The following KIFC3 variants were observed in gnomAD, a reference collection of about 807,000 sequenced individuals.
KIFC3 encodes the protein kinesin-like protein KIFC3.
In KIFC3, 60 loss-of-function variants were observed where a neutral mutation model predicts 101.8. The observed-to-expected ratio is 0.59, with a 90% CI of 0.48 to 0.73. The LOEUF is 0.73. KIFC3 is among the 30% of genes least tolerant of loss of function. The pLI is 0.00. For synonymous variants in KIFC3, 476 were observed against 482.7 expected (o/e 0.99, Z 0.18); for missense variants, 966 against 1,137.1 (o/e 0.85, Z 2.16).
intron 1 of KIFC3, among the ~76,000 whole-genome samples, chr16:57,839,842 C>T (rs767400819): frequency 1.2e-4 from 18 of 152,178 alleles, no homozygotes; most frequent in Admixed American, 2.0e-4. Flanking sequence ...CATTCTTGAG[C>T]AACTCATATT....
chr16:57,848,152 A>G (rs1467969086), intron 1 of KIFC3, among the ~76,000 whole-genome samples: 1 of 152,204 alleles, frequency 6.6e-6, no homozygotes, highest in African/African-American at 2.4e-5. Context: ...AAAGAAGCCA[A>G]AGTTTTATTG....
chr16:57,825,289 C>G (rs2055435244), intron 1 of KIFC3, among the ~76,000 whole-genome samples: 2 of 152,212 alleles, frequency 1.3e-5, no homozygotes, highest in African/African-American at 4.8e-5. Context: ...TTGTCCCTCC[C>G]CAACAAATGC....
At chr16:57,778,888 T>C (rs930017849) in intron 3 of KIFC3, among the ~76,000 whole-genome samples, 57 of 152,204 alleles carry the variant, frequency 3.7e-4, no homozygotes, top group African/African-American at 1.2e-3. Flanking sequence ...CTGGGCAACA[T>C]AGCGAGACCT....
chr16:57,761,084 T>C lies in KIFC3; in HGVS notation c.1960A>G (p.Thr654Ala). ...SSRSHALLIV[T>A]VRGVDCSTGL... ...GTGCTGCAGTCCACGCCTCGCACCG[T>C]CACGATGAGCAGCGCGTGCGAGCGG... The change falls in exon 15 of 20, where the codon ACG (threonine) becomes GCG (alanine). Residue 654 changes from threonine (T) to alanine (A), a missense_variant. Coordinates refer to ENST00000445690, the MANE Select transcript of KIFC3 (RefSeq NM_001130100.2). 1 of 1,613,654 alleles carries C rather than the reference T, an allele frequency of 6.2e-7. No individual in the cohort carries two copies. The highest frequency in any genetic ancestry group is 8.5e-7 in the Non-Finnish European group (1 of 1,179,856).
intron 3 of KIFC3, among the ~76,000 whole-genome samples, chr16:57,783,146 GTTAA>G (rs1325338516): frequency 6.6e-6 from 1 of 152,104 alleles, no homozygotes; most frequent in Admixed American, 6.5e-5. Flanking sequence ...AGTTGATTTT[GTTAA>G]TTAAAGGAAA....
chr16:57,786,290 C>G (rs1296010538), intron 3 of KIFC3, among the ~76,000 whole-genome samples: 3 of 152,208 alleles, frequency 2.0e-5, no homozygotes. Flanking sequence ...GAGGGAAACA[C>G]CCGGCTGGGC....
At chr16:57,765,359 C>T in intron 11 of KIFC3, 100 bp downstream of exon 11, 2 of 1,201,382 alleles carry the variant, frequency 1.7e-6, no homozygotes. Flanking sequence ...CCTGCACCCC[C>T]CACTCTTAAC....
At chr16:57,803,270 G>A (rs2054847831), upstream of KIFC3, 1 of 697,718 alleles carries the variant, frequency 1.4e-6, no homozygotes, top group Non-Finnish European at 2.6e-6. Flanking sequence ...GGGAGGCCAG[G>A]GGCCTGCCAG....
intron 12 of KIFC3, 88 bp from the exon 13 acceptor site, chr16:57,762,358 C>A: frequency 7.5e-7 from 1 of 1,334,380 alleles, no homozygotes; most frequent in Non-Finnish European, 9.9e-7. Context: ...CTTGACTACC[C>A]CTCACAAGCA....
chr16:57,772,092 G>T, intron 4 of KIFC3, 131 bp downstream of exon 4: 1 of 774,310 alleles, frequency 1.3e-6, no homozygotes, highest in Non-Finnish European at 2.1e-6. Flanking sequence ...TAAGGCTCTC[G>T]GTGTGTTTCT....
In KIFC3 at chr16:57,760,972, C is replaced by T; in HGVS notation, c.2003-17G>A. 6.2e-7 allele frequency: 1 copy of T among 1,606,138 alleles called. No homozygotes were observed. Among genetic ancestry groups the T allele is most frequent in the Non-Finnish European group, 8.5e-7 (1 of 1,178,196 alleles). On this transcript the variant is annotated splice_polypyrimidine_tract_variant and intron_variant, in intron 15 of 19. Transcript: ENST00000445690. The stretch of plus-strand genomic sequence containing the variant: ...TCAGCTTCCCTGCAGGGAAGGCACC[C>T]ACCAGATCAGGCCTGCCCTGCCCCT...
chr16:57,808,743 T>C (rs1302126549), intron 1 of KIFC3, among the ~76,000 whole-genome samples: 1 of 152,184 alleles, frequency 6.6e-6, no homozygotes, highest in African/African-American at 2.4e-5. Flanking sequence ...AAGGTGGTTC[T>C]GAGGCCAGGC....
intron 3 of KIFC3, chr16:57,776,523 A>G (rs1170156746): frequency 2.0e-6 from 1 of 501,854 alleles, no homozygotes; most frequent in Admixed American, 6.4e-5. Flanking sequence ...TAAGTTCTCT[A>G]TGTCTCTTAG....
chr16:57,854,433 GC>G (rs2056122584), intron 1 of KIFC3, among the ~76,000 whole-genome samples: 2 of 152,104 alleles, frequency 1.3e-5, no homozygotes, highest in Non-Finnish European at 2.9e-5. Flanking sequence ...TTCGAGACCA[GC>G]CTGCCCAACA....
chr16:57,841,663 TCAAAAA>T (rs796566995), intron 1 of KIFC3, among the ~76,000 whole-genome samples: 1 of 151,838 alleles, frequency 6.6e-6, no homozygotes, highest in Admixed American at 6.6e-5. Context: ...CGAGACTGTC[TCAAAAA>T]CAAAAACAAC....
intron 1 of KIFC3, among the ~76,000 whole-genome samples, chr16:57,798,998 C>A (rs1320059545): frequency 6.6e-6 from 1 of 152,150 alleles, no homozygotes; most frequent in Non-Finnish European, 1.5e-5. Context: ...GGCCTGAAAA[C>A]TCCCAGTCAG....
At chr16:57,843,041 A>G (rs247039) in intron 1 of KIFC3, among the ~76,000 whole-genome samples, 127,295 of 152,046 alleles carry the variant, frequency 0.84, 53,475 homozygotes, top group East Asian at 0.95. Flanking sequence ...GCTGAGGCAT[A>G]AGAATTGTTT....
intron 16 of KIFC3, 108 bp from the exon 17 acceptor site, chr16:57,760,524 G>A (rs2049716079): frequency 1.5e-6 from 2 of 1,356,920 alleles, no homozygotes; most frequent in Non-Finnish European, 2.0e-6. Context: ...GGAGAGGCCT[G>A]AGGGATGGGG....
At chr16:57,835,632 C>T (rs1261928795) in intron 1 of KIFC3, among the ~76,000 whole-genome samples, 2 of 152,182 alleles carry the variant, frequency 1.3e-5, no homozygotes, top group Non-Finnish European at 2.9e-5. Context: ...TTGAGTGATT[C>T]ACCCAAAGTT....
Sources: gnomAD v4.1 joint callset for allele counts (sites outside exome capture counted in the v4.1 genomes callset) on GRCh38, gnomAD v4.1.1 for gene constraint, MANE v1.5 for transcripts, NCBI Gene and HGNC (gene_info 2026-07-23, HGNC 2026-07-21) for gene names.